The following ATG10 variants were observed in gnomAD, a reference collection of about 807,000 sequenced individuals.
ATG10 encodes ubiquitin-like-conjugating enzyme ATG10.
A neutral mutation model predicts 32.1 loss-of-function variants in ATG10; 30 were observed. The observed-to-expected ratio is 0.94, with a 90% CI of 0.70 to 1.27. The LOEUF is 1.27. Among genes scored for constraint, ATG10 ranks in the 50% most tolerant of loss-of-function variants. The pLI is 0.00. For synonymous variants in ATG10, 87 were observed against 91.5 expected (o/e 0.95, Z 0.28); for missense variants, 233 against 262.3 (o/e 0.89, Z 0.77).
intron 5 of ATG10, among the ~76,000 whole-genome samples, chr5:82,204,721 G>A (rs1272054162): frequency 1.3e-5 from 2 of 152,030 alleles, no homozygotes; most frequent in Non-Finnish European, 2.9e-5. Context: ...TTTAAGAGGT[G>A]GAATTGACAG....
intron 6 of ATG10, 31 bp from the exon 7 acceptor site, chr5:82,253,283 T>C: frequency 6.9e-7 from 1 of 1,442,832 alleles, no homozygotes; most frequent in Non-Finnish European, 9.8e-7. Flanking sequence ...ATGGAAACGT[T>C]AGCATGGCCT....
At chr5:82,043,082 C>T (rs1763134274) in intron 2 of ATG10, among the ~76,000 whole-genome samples, 1 of 152,206 alleles carries the variant, frequency 6.6e-6, no homozygotes, top group African/African-American at 2.4e-5. Flanking sequence ...CATGAGGGCT[C>T]CACCCCTGCA....
At chr5:82,139,417 C>G in intron 3 of ATG10, among the ~76,000 whole-genome samples, 2 of 145,404 alleles carry the variant, frequency 1.4e-5, no homozygotes, top group African/African-American at 5.1e-5. Context: ...TCCCAGCCGC[C>G]ATCACATCTA....
At chr5:82,086,249 CAATT>C (rs1177331674) in intron 3 of ATG10, among the ~76,000 whole-genome samples, 1 of 152,044 alleles carries the variant, frequency 6.6e-6, no homozygotes, top group Non-Finnish European at 1.5e-5. Context: ...TTTTAATAAA[CAATT>C]GAGTGGATTC....
intron 3 of ATG10, among the ~76,000 whole-genome samples, chr5:82,067,498 A>G (rs1763976507): frequency 6.6e-6 from 1 of 152,312 alleles, no homozygotes; most frequent in Non-Finnish European, 1.5e-5. Flanking sequence ...GTGTTCTGCT[A>G]TAAAGCCAGG....
chr5:82,216,477 A>T (rs1029088205), intron 5 of ATG10, among the ~76,000 whole-genome samples: 23 of 152,218 alleles, frequency 1.5e-4, no homozygotes, highest in African/African-American at 5.5e-4. Context: ...TGATATGGTA[A>T]AATTATGCAT....
At chr5:82,033,568 C>A (rs1269816647) in intron 2 of ATG10, among the ~76,000 whole-genome samples, 1 of 152,038 alleles carries the variant, frequency 6.6e-6, no homozygotes, top group Non-Finnish European at 1.5e-5. Flanking sequence ...GGTTTTCCGC[C>A]TGCCCCAGTG....
rs185495405 is a variant in ATG10, at chr5:81,987,657, T to G, written c.87T>G (p.Ser29Arg). The G allele has an allele frequency of 3.7e-6, 6 of 1,610,592 alleles. No individual in the cohort carries two copies. The highest frequency in any genetic ancestry group is 4.2e-6 in the Non-Finnish European group (5 of 1,178,480). ...FIKHSQQIGD[S>R]WEWRPSKDCS... is the part of the protein sequence containing the mutation. ...AACATTCACAACAGATAGGTGATAG[T>G]TGGGAATGGAGACCATCAAAGGTAA... Residue 29 changes from serine (S) to arginine (R), a missense_variant, in exon 2 of 8, where the codon AGT becomes AGG. Transcript: ENST00000282185.
intron 1 of ATG10, 75 bp from the exon 2 acceptor site, chr5:81,987,484 G>C: frequency 8.5e-7 from 1 of 1,177,616 alleles, no homozygotes; most frequent in Non-Finnish European, 1.2e-6. Context: ...TTTATTGACA[G>C]AAATAAATCA....
intron 4 of ATG10, among the ~76,000 whole-genome samples, chr5:82,176,812 G>GA (rs949695972): frequency 1.3e-5 from 2 of 151,988 alleles, no homozygotes; most frequent in African/African-American, 4.8e-5. Context: ...AATGTCAATG[G>GA]AATAAAACTA....
At chr5:82,007,816 T>C (rs1242216222) in intron 2 of ATG10, among the ~76,000 whole-genome samples, 2 of 152,286 alleles carry the variant, frequency 1.3e-5, no homozygotes, top group Non-Finnish European at 2.9e-5. Flanking sequence ...TTGTGTCATA[T>C]ATATATATGC....
chr5:82,239,816 CA>C (rs1040737604), intron 5 of ATG10, among the ~76,000 whole-genome samples: 8 of 151,636 alleles, frequency 5.3e-5, no homozygotes, highest in African/African-American at 1.9e-4. Context: ...AAGCCAATAC[CA>C]AAAAAACCCC....
intron 1 of ATG10, among the ~76,000 whole-genome samples, chr5:81,986,869 C>T (rs571062094): frequency 1.3e-5 from 2 of 152,118 alleles, no homozygotes; most frequent in Non-Finnish European, 2.9e-5. Context: ...CATGGTGGAA[C>T]CCTGTCTTTA....
chr5:82,207,279 A>G (rs150471061), intron 5 of ATG10, among the ~76,000 whole-genome samples: 2 of 152,350 alleles, frequency 1.3e-5, no homozygotes, highest in East Asian at 3.9e-4. Flanking sequence ...AATTCCCATC[A>G]GCAGTGTAGG....
intron 2 of ATG10, among the ~76,000 whole-genome samples, chr5:82,057,022 A>G (rs1320480591): frequency 6.6e-6 from 1 of 152,186 alleles, no homozygotes; most frequent in Non-Finnish European, 1.5e-5. Context: ...GGATATCCTT[A>G]ATGAAATAAT....
intron 5 of ATG10, among the ~76,000 whole-genome samples, chr5:82,228,695 T>C (rs1746231967): frequency 6.6e-6 from 1 of 152,336 alleles, no homozygotes; most frequent in South Asian, 2.1e-4. Context: ...GTACCGTGCA[T>C]TGGAAATCAT....
intron 5 of ATG10, among the ~76,000 whole-genome samples, chr5:82,184,107 G>T (rs1474323860): frequency 6.6e-6 from 1 of 152,124 alleles, no homozygotes; most frequent in Non-Finnish European, 1.5e-5. Flanking sequence ...TTGGGAAATG[G>T]TAGTGCCTTT....
At chr5:82,085,919 T>C (rs535298584) in intron 3 of ATG10, among the ~76,000 whole-genome samples, 1 of 152,292 alleles carries the variant, frequency 6.6e-6, no homozygotes, top group South Asian at 2.1e-4. Context: ...TGTGAATTGA[T>C]TGTGGGTTTA....
At chr5:82,034,345 C>A (rs990867027) in intron 2 of ATG10, among the ~76,000 whole-genome samples, 3 of 152,128 alleles carry the variant, frequency 2.0e-5, no homozygotes, top group African/African-American at 7.2e-5. Flanking sequence ...GATCCATTAG[C>A]AAATCCTAAT....
Sources: gnomAD v4.1 joint callset for allele counts (sites outside exome capture counted in the v4.1 genomes callset) on GRCh38, gnomAD v4.1.1 for gene constraint, MANE v1.5 for transcripts, NCBI Gene and HGNC (gene_info 2026-07-23, HGNC 2026-07-21) for gene names.